Variants in RTL4 observed in about 807,000 individuals in gnomAD.
The protein encoded by RTL4 is retrotransposon Gag like 4.
A neutral mutation model predicts 5.3 loss-of-function variants in RTL4; 4 were observed. The ratio of observed to expected loss-of-function variants is 0.75; its 90% CI spans 0.37 to 1.72. The LOEUF (loss-of-function observed/expected upper bound fraction) is 1.72, where lower values mean the gene tolerates loss of function less well. RTL4 is among the 40% of genes most tolerant of loss of function. The pLI, the probability that RTL4 is intolerant of heterozygous loss-of-function variation, is 0.04. For synonymous variants in RTL4, 98 were observed against 87.3 expected, an observed-to-expected ratio of 1.12 and a Z score of -0.68; for missense variants, 260 against 227.1, an observed-to-expected ratio of 1.14 and a Z score of -0.93.
chrX:112,367,431 CTG>C, the RTL4 span, among the ~76,000 whole-genome samples: 1 of 111,754 alleles, frequency 8.9e-6, no homozygotes, highest in Non-Finnish European at 1.9e-5. Flanking sequence ...AAGCGCCACA[CTG>C]TGCTTAATGA....
At chrX:112,249,782 T>C in the RTL4 span, among the ~76,000 whole-genome samples, 1 of 91,456 alleles carries the variant, frequency 1.1e-5, no homozygotes, top group Admixed American at 1.2e-4. Flanking sequence ...TGTAATTATA[T>C]ATATATATAT....
At chrX:112,267,743 T>C in the RTL4 span, among the ~76,000 whole-genome samples, 1 of 111,569 alleles carries the variant, frequency 9.0e-6, no homozygotes. Flanking sequence ...CTGTCATCCT[T>C]GGATCTTTTC....
chrX:112,198,174 C>A, the RTL4 span, among the ~76,000 whole-genome samples: 4 of 111,542 alleles, frequency 3.6e-5, no homozygotes, highest in African/African-American at 1.3e-4. Context: ...TACTTTCATG[C>A]ATAGATAAAT....
chrX:112,194,367 G>A, the RTL4 span, among the ~76,000 whole-genome samples: 3 of 110,705 alleles, frequency 2.7e-5, no homozygotes, highest in Non-Finnish European at 5.7e-5. Context: ...AAGATGGGAA[G>A]AATGCCCTTT....
chrX:112,139,511 C>G, the RTL4 span, among the ~76,000 whole-genome samples: 1 of 112,173 alleles, frequency 8.9e-6, no homozygotes, highest in Non-Finnish European at 1.9e-5. Flanking sequence ...AAAGTTTTAT[C>G]TACTCATTTT....
the RTL4 span, among the ~76,000 whole-genome samples, chrX:112,258,230 C>T: frequency 2.7e-5 from 3 of 110,213 alleles, no homozygotes; most frequent in African/African-American, 9.9e-5. Context: ...CATTACATAT[C>T]CAGCAAAACC....
chrX:112,210,814 A>C, the RTL4 span, among the ~76,000 whole-genome samples: 2 of 112,321 alleles, frequency 1.8e-5, no homozygotes, highest in African/African-American at 6.5e-5. Flanking sequence ...TTAAGAAAAA[A>C]TGTTTGCCTT....
chrX:112,423,951 T>C, the RTL4 span, among the ~76,000 whole-genome samples: 1 of 111,139 alleles, frequency 9.0e-6, no homozygotes, highest in Non-Finnish European at 1.9e-5. Flanking sequence ...TGGGTTGTAC[T>C]TTCCCATGTT....
At chrX:112,333,950 C>T in the RTL4 span, among the ~76,000 whole-genome samples, 2 of 105,671 alleles carry the variant, frequency 1.9e-5, no homozygotes, top group African/African-American at 6.9e-5. Context: ...CACAAACACC[C>T]CCACTACCTT....
the RTL4 span, among the ~76,000 whole-genome samples, chrX:112,212,857 T>C: frequency 2.1e-4 from 24 of 112,348 alleles, no homozygotes; most frequent in South Asian, 8.1e-3. Context: ...CCTATTCCCA[T>C]TGAAGCTGCT....
At chrX:112,130,677 G>T in the RTL4 span, among the ~76,000 whole-genome samples, 3 of 110,544 alleles carry the variant, frequency 2.7e-5, no homozygotes, top group African/African-American at 6.6e-5. Context: ...TTCAGAACAA[G>T]ATTGTAAAAT....
the RTL4 span, among the ~76,000 whole-genome samples, chrX:112,090,896 C>T: frequency 9.0e-6 from 1 of 110,832 alleles, no homozygotes; most frequent in Admixed American, 9.6e-5. Flanking sequence ...CTTAAGGGGG[C>T]AAGGGGTGGA....
At chrX:112,370,167 A>G in the RTL4 span, among the ~76,000 whole-genome samples, 38,571 of 110,160 alleles carry the variant, frequency 0.35, 6,778 homozygotes, top group African/African-American at 0.68. Flanking sequence ...TAAAGATGGA[A>G]AAAAGAACCA....
chrX:112,262,742 C>T, the RTL4 span, among the ~76,000 whole-genome samples: 6 of 110,931 alleles, frequency 5.4e-5, no homozygotes, highest in African/African-American at 2.0e-4. Flanking sequence ...GACACATGCA[C>T]GTGTATGTTT....
the RTL4 span, among the ~76,000 whole-genome samples, chrX:112,310,585 T>C: frequency 2.9e-5 from 1 of 34,600 alleles, no homozygotes; most frequent in East Asian, 9.3e-4. Flanking sequence ...ATAATATTTC[T>C]ATATTATATA....
chrX:112,107,178 G>T, the RTL4 span, among the ~76,000 whole-genome samples: 6 of 111,676 alleles, frequency 5.4e-5, no homozygotes, highest in Admixed American at 2.9e-4. Flanking sequence ...AATTAACTTT[G>T]ATCACACAAG....
chrX:112,402,948 A>G, the RTL4 span, among the ~76,000 whole-genome samples: 16 of 111,798 alleles, frequency 1.4e-4, no homozygotes, highest in East Asian at 4.2e-3. Context: ...CTGTGAAAGG[A>G]TTTCACAGAA....
the RTL4 span, among the ~76,000 whole-genome samples, chrX:112,091,130 A>G: frequency 1.8e-5 from 2 of 111,209 alleles, no homozygotes; most frequent in Non-Finnish European, 3.8e-5. Context: ...TTATAATTTG[A>G]ATCTTTCCTT....
At chrX:112,427,945 C>T in the RTL4 span, among the ~76,000 whole-genome samples, 2 of 108,499 alleles carry the variant, frequency 1.8e-5, no homozygotes, top group East Asian at 2.9e-4. Flanking sequence ...CCTCTGAGTC[C>T]CCGAAGTCCA....
Sources: gnomAD v4.1 joint callset for allele counts (sites outside exome capture counted in the v4.1 genomes callset) on GRCh38, gnomAD v4.1.1 for gene constraint, MANE v1.5 for transcripts, NCBI Gene and HGNC (gene_info 2026-07-23, HGNC 2026-07-21) for gene names.